MAP3K4: variants seen among roughly 807,000 people sequenced by gnomAD.
MAP3K4 encodes mitogen-activated protein kinase kinase kinase 4.
MAP3K4 carries 67 observed loss-of-function variants against 185.6 expected under a neutral mutation model. That is an observed-to-expected ratio of 0.36 (90% CI 0.30 to 0.44). MAP3K4 has a LOEUF of 0.44. Among genes scored for constraint, MAP3K4 ranks in the 20% least tolerant of loss-of-function variants. The pLI is 1.00. For synonymous variants in MAP3K4, 702 were observed against 710.4 expected, an observed-to-expected ratio of 0.99 and a Z score of 0.19; for missense variants, 1,551 against 1,995.1, an observed-to-expected ratio of 0.78 and a Z score of 4.24.
chr6:161,102,650 G>A lies in MAP3K4; in HGVS notation c.3776-49G>A, dbSNP rs1361283170. 7 of 1,213,762 alleles carry A rather than the reference G, an allele frequency of 5.8e-6. No homozygotes were observed. In the African/African-American group the frequency reaches 6.2e-5, roughly 11 times the overall value. 75.2% of individuals were successfully genotyped at this position (1,213,762 alleles called of 1,614,324 possible). A position where few individuals can be genotyped will look rare whatever the true frequency, so the allele number is the denominator to read the frequency against. ...TTTCCTTTCAGTTGTTCTCAAATAA[G>A]CATATTTATTTCATAAATCTTAATT... On this transcript the variant is annotated intron_variant, in intron 18 of 26. Coordinates refer to ENST00000392142, the MANE Select transcript of MAP3K4 (RefSeq NM_005922.4).
chr6:161,008,367 C>G lies in MAP3K4; in HGVS notation c.152+16284C>G, dbSNP rs1781692444. Among the ~76,000 whole-genome samples the G allele has an allele frequency of 2.0e-5, 3 of 152,156 alleles. No individual in the cohort carries two copies. Among genetic ancestry groups the G allele is most frequent in the South Asian group, 4.1e-4 (2 of 4,824 alleles). ...CAAGATGTTTTATTAGAGTAAAATC[C>G]TGGAAATATAATTACTATACCAAAG... On this transcript the variant is annotated intron_variant, in intron 1 of 26. Transcript: ENST00000392142. This position sits in a 1 kb window ranked among gnomAD's most constrained non-coding sequence, Gnocchi z 4.1.
intron 1 of MAP3K4, among the ~76,000 whole-genome samples, chr6:161,010,475 T>C (rs1426051378): frequency 7.2e-6 from 1 of 138,854 alleles, no homozygotes; most frequent in Admixed American, 7.8e-5. Flanking sequence ...AAACTATAGG[T>C]ATATGTTTTG....
At position 160,991,856 on chromosome 6, in the gene MAP3K4, G is replaced by A; in HGVS notation, c.-76G>A. ...GCGGAGGCGGAGTCGAGTCACTCCC[G>A]CACTTCGGGGCTCCGGTGCCCCGCG... On this transcript the variant is annotated 5_prime_UTR_variant, in exon 1 of 27. Coordinates refer to ENST00000392142, the MANE Select transcript of MAP3K4 (RefSeq NM_005922.4). The surrounding 1 kb of genome is among the most constrained non-coding windows in gnomAD (Gnocchi z 5.7). 2.8e-6 allele frequency: 4 copies of A among 1,409,352 alleles called. No homozygotes were observed. The South Asian group carries it at 6.2e-5, about 22-fold the overall frequency. 87.3% of individuals were successfully genotyped at this position (1,409,352 alleles called of 1,614,324 possible). A position where few individuals can be genotyped will look rare whatever the true frequency, so the allele number is the denominator to read the frequency against.
chr6:161,003,144 C>T (rs987729347), intron 1 of MAP3K4, among the ~76,000 whole-genome samples: 1 of 151,950 alleles, frequency 6.6e-6, no homozygotes, highest in African/African-American at 2.4e-5. Context: ...GGATAGCTTC[C>T]TAGGTCATAA....
In MAP3K4 at chr6:160,996,940, G is replaced by A. The variant is rs1327550448; in HGVS notation, c.152+4857G>A. 1.3e-5 allele frequency among the ~76,000 whole-genome samples: 2 copies of A among 152,170 alleles called. No individual in the cohort carries two copies. Among genetic ancestry groups the A allele is most frequent in the Non-Finnish European group, 2.9e-5 (2 of 68,022 alleles). On this transcript the variant is annotated intron_variant, in intron 1 of 26. Coordinates refer to ENST00000392142, the MANE Select transcript of MAP3K4 (RefSeq NM_005922.4). This position sits in a 1 kb window ranked among gnomAD's most constrained non-coding sequence, Gnocchi z 4.5. ...TTGCATCCCTAGCAGGTGCACCCCT[G>A]CTTCTGAATGAGAGGCAGTGTGATC...
chr6:161,014,732 C>T (rs2115090742), intron 1 of MAP3K4, among the ~76,000 whole-genome samples: 1 of 152,282 alleles, frequency 6.6e-6, no homozygotes, highest in Admixed American at 6.5e-5. Flanking sequence ...CTTGCCTTTA[C>T]TTATATTTTA....
chr6:161,114,795 C>T lies in MAP3K4; in HGVS notation c.4627-328C>T, dbSNP rs567951144. On this transcript the variant is annotated intron_variant, in intron 25 of 26. Transcript: ENST00000392142. The surrounding 1 kb of genome is among the most constrained non-coding windows in gnomAD (Gnocchi z 4.3). ...ATATTTTTTAGTTGCATGATGATGGCTTCTAGATACTGTTGGACTAAATAG... is the reference window on the plus strand; with the variant it reads ...ATATTTTTTAGTTGCATGATGATGGTTTCTAGATACTGTTGGACTAAATAG... Among the ~76,000 whole-genome samples, 3 of 152,140 alleles carry T rather than the reference C, an allele frequency of 2.0e-5. No individual in the cohort carries two copies. Among genetic ancestry groups the T allele is most frequent in the Admixed American group, 2.0e-4 (3 of 15,282 alleles).
At chr6:161,018,124 A>G (rs1782200433) in intron 1 of MAP3K4, among the ~76,000 whole-genome samples, 1 of 152,198 alleles carries the variant, frequency 6.6e-6, no homozygotes. Flanking sequence ...TGCGGGGAAG[A>G]ATACCAGGCA....
Position 161,116,457 on chromosome 6 carries a change from A to C in MAP3K4, c.4807-393A>C, listed in dbSNP as rs896647048. Among the ~76,000 whole-genome samples the C allele has an allele frequency of 1.3e-5, 2 of 152,068 alleles. No individual in the cohort carries two copies. Among genetic ancestry groups the C allele is most frequent in the African/African-American group, 4.8e-5 (2 of 41,390 alleles). ...GCAGGAGAGAGTCCCTGGGAAAGGA[A>C]AGGAAGGGGCAGAAGAGTGGGGTGA... On this transcript the variant is annotated intron_variant, in intron 26 of 26. Coordinates refer to ENST00000392142, the MANE Select transcript of MAP3K4 (RefSeq NM_005922.4). This position sits in a 1 kb window ranked among gnomAD's most constrained non-coding sequence, Gnocchi z 6.2.
At chr6:161,066,673 G>A (rs1374489527) in intron 3 of MAP3K4, among the ~76,000 whole-genome samples, 1 of 152,052 alleles carries the variant, frequency 6.6e-6, no homozygotes, top group African/African-American at 2.4e-5. Context: ...GGAAATTGCT[G>A]TTTCCTCTGA....
chr6:161,019,054 A>C (rs941000858), intron 1 of MAP3K4, among the ~76,000 whole-genome samples: 6 of 152,246 alleles, frequency 3.9e-5, no homozygotes, highest in African/African-American at 1.4e-4. Flanking sequence ...CATGTGGAAT[A>C]GTGTCAGGCG....
chr6:161,031,439 T>C (rs2115156874), intron 1 of MAP3K4, among the ~76,000 whole-genome samples: 1 of 152,344 alleles, frequency 6.6e-6, no homozygotes, highest in East Asian at 1.9e-4. Context: ...CCTCTTTATC[T>C]GCTAAAGCAC....
intron 3 of MAP3K4, among the ~76,000 whole-genome samples, chr6:161,055,793 A>G (rs1784207253): frequency 6.6e-6 from 1 of 152,198 alleles, no homozygotes; most frequent in South Asian, 2.1e-4. Context: ...TCACTTGGTT[A>G]AGGTGGTGTC....
intron 1 of MAP3K4, among the ~76,000 whole-genome samples, chr6:161,021,715 A>T (rs1782398289): frequency 6.6e-6 from 1 of 152,202 alleles, no homozygotes; most frequent in African/African-American, 2.4e-5. Flanking sequence ...GTAGATTGAA[A>T]GCTCCATGAG....
At chr6:161,079,207 C>T (rs1785322376) in intron 5 of MAP3K4, among the ~76,000 whole-genome samples, 1 of 99,236 alleles carries the variant, frequency 1.0e-5, no homozygotes, top group African/African-American at 4.3e-5. Flanking sequence ...GAGCAGGACC[C>T]TGTCTCAAGA....
chr6:161,001,865 T>G (rs907298566), intron 1 of MAP3K4, among the ~76,000 whole-genome samples: 3 of 152,210 alleles, frequency 2.0e-5, no homozygotes, highest in Non-Finnish European at 4.4e-5. Context: ...ATTAGCTGTT[T>G]TATTACATTT....
chr6:160,992,548 C>T (rs1039819186), intron 1 of MAP3K4, among the ~76,000 whole-genome samples: 4 of 152,222 alleles, frequency 2.6e-5, no homozygotes, highest in Admixed American at 2.0e-4. Context: ...CTCCTCCTCT[C>T]CTTTTGCCCG....
Position 161,094,001 on chromosome 6 carries a change from G to C in MAP3K4, c.3427+150G>C, listed in dbSNP as rs889508847. ...GAGAGGGACAGAAATGAGGTGTGTA[G>C]ATAGAGAACTCCGCAGCAACCTTTC... On this transcript the variant is annotated intron_variant, in intron 15 of 26. Transcript: ENST00000392142. 5.1e-6 allele frequency: 3 copies of C among 592,682 alleles called. No homozygotes were observed. In the East Asian group the frequency reaches 8.8e-5, roughly 17 times the overall value. 36.7% of individuals were successfully genotyped at this position (592,682 alleles called of 1,614,324 possible).
rs1783914318 is a variant in MAP3K4 at position 161,049,723 on chromosome 6, T to C, written c.1451T>C (p.Ile484Thr). 1 of 1,614,008 alleles carries C rather than the reference T, an allele frequency of 6.2e-7. No homozygotes were observed. Among genetic ancestry groups the C allele is most frequent in the African/African-American group, 1.3e-5 (1 of 74,916 alleles). The change falls in exon 3 of 27, where the codon ATC (isoleucine) becomes ACC (threonine). Residue 484 changes from isoleucine (I) to threonine (T), a missense_variant. Coordinates refer to ENST00000392142, the MANE Select transcript of MAP3K4 (RefSeq NM_005922.4). This position sits in a 1 kb window ranked among gnomAD's most constrained non-coding sequence, Gnocchi z 8.4. Reference protein sequence around the residue: ...IRQPIDNSFDIQSRDCISKKL... With the variant: ...IRQPIDNSFDTQSRDCISKKL... Reference sequence around the variant, plus strand: ...CAGCCCATAGATAACAGCTTCGACATCCAGTCGCGGGACTGCATATCCAAG... The same window carrying C: ...CAGCCCATAGATAACAGCTTCGACACCCAGTCGCGGGACTGCATATCCAAG...
Sources: allele counts gnomAD v4.1 joint callset (sites outside exome capture counted in the v4.1 genomes callset), GRCh38; gene constraint gnomAD v4.1.1; non-coding constraint Gnocchi (gnomAD v3.1); transcripts MANE v1.5; gene names NCBI Gene and HGNC (gene_info 2026-07-23, HGNC 2026-07-21).